The following AK8 variants were observed in gnomAD, a reference collection of about 807,000 sequenced individuals.
AK8 encodes adenylate kinase 8.
AK8 carries 44 observed loss-of-function variants against 54.6 expected under a neutral mutation model. The observed-to-expected ratio is 0.81, with a 90% CI of 0.63 to 1.04. AK8 has a LOEUF of 1.04. Among genes scored for constraint, AK8 ranks in the 50% least tolerant of loss-of-function variants. The pLI is 0.00. For synonymous variants in AK8, 239 were observed against 245.6 expected, an observed-to-expected ratio of 0.97 and a Z score of 0.25; for missense variants, 555 against 613.6, an observed-to-expected ratio of 0.90 and a Z score of 1.01.
At chr9:132,749,456 C>T (rs1002765837) in intron 11 of AK8, among the ~76,000 whole-genome samples, 3 of 151,926 alleles carry the variant, frequency 2.0e-5, no homozygotes, top group Non-Finnish European at 2.9e-5. Flanking sequence ...TCAGGTGCCC[C>T]GTGCCCGGCA....
chr9:132,839,446 G>A (rs1240160538), intron 5 of AK8, among the ~76,000 whole-genome samples: 5 of 152,206 alleles, frequency 3.3e-5, no homozygotes, highest in Admixed American at 3.3e-4. Flanking sequence ...GGGTCCTGGT[G>A]GACAGGCTCT....
chr9:132,845,268 T>C (rs1033095359), intron 5 of AK8, among the ~76,000 whole-genome samples: 4 of 152,250 alleles, frequency 2.6e-5, no homozygotes, highest in African/African-American at 9.6e-5. Flanking sequence ...ATATATTATT[T>C]ATAATACAAT....
chr9:132,854,955 G>A lies in AK8; in HGVS notation c.334-30C>T, dbSNP rs140815104. On this transcript the variant is annotated intron_variant, in intron 4 of 12. Transcript: ENST00000298545. ...AGGAAAAAGGACACACAGAATGATG[G>A]CCCAAACCTGCTTCCTGCAGCTCAG... The A allele has an allele frequency of 2.4e-5, 39 of 1,612,122 alleles. No individual in the cohort carries two copies. In the Middle Eastern group the frequency reaches 6.6e-4, roughly 27 times the overall value.
chr9:132,799,235 T>C lies in AK8; in HGVS notation c.980-6460A>G, dbSNP rs1253597192. Among the ~76,000 whole-genome samples, 3 of 152,102 alleles carry C rather than the reference T, an allele frequency of 2.0e-5. No individual in the cohort carries two copies. The highest frequency in any genetic ancestry group is 6.6e-5 in the Admixed American group (1 of 15,264). ...ACCTTGGCTTTCTGCCCATCAGTTA[T>C]TGTTGAGGGAGAAGATATGAGGGAC... On this transcript the variant is annotated intron_variant, in intron 10 of 12. Transcript: ENST00000298545. The surrounding 1 kb of genome is among the most constrained non-coding windows in gnomAD (Gnocchi z 5.0).
chr9:132,803,510 ACAAC>A lies in AK8; in HGVS notation c.980-10739_980-10736del, dbSNP rs1333548700. ...TAATCATGGTGAGTAATCAGTGATT[ACAAC>A]CAGTGACCATAGTAAGTAATTAGTG... On this transcript the variant is annotated intron_variant, in intron 10 of 12. Coordinates refer to ENST00000298545, the MANE Select transcript of AK8 (RefSeq NM_152572.3). The surrounding 1 kb of genome is among the most constrained non-coding windows in gnomAD (Gnocchi z 4.4). Among the ~76,000 whole-genome samples, 19 of 152,354 alleles carry A rather than the reference ACAAC, an allele frequency of 1.2e-4. No homozygotes were observed. The East Asian group carries it at 3.3e-3, about 26-fold the overall frequency.
intron 11 of AK8, among the ~76,000 whole-genome samples, chr9:132,778,796 A>T (rs2131118343): frequency 6.6e-6 from 1 of 152,288 alleles, no homozygotes; most frequent in South Asian, 2.1e-4. Flanking sequence ...TCAAAACCAC[A>T]TTTAGCAGAA....
At chr9:132,737,080 G>C (rs1486180681) in intron 11 of AK8, among the ~76,000 whole-genome samples, 1 of 151,816 alleles carries the variant, frequency 6.6e-6, no homozygotes, top group African/African-American at 2.4e-5. Flanking sequence ...ACAATGTGAA[G>C]GTACTTAATG....
chr9:132,877,863 C>G (rs777271400), intron 1 of AK8: 4 of 632,530 alleles, frequency 6.3e-6, no homozygotes, highest in Admixed American at 4.3e-5. Context: ...GTGGGGAAAC[C>G]GAGAAAAGGA....
intron 2 of AK8, among the ~76,000 whole-genome samples, chr9:132,872,102 A>T (rs1282343035): frequency 6.6e-6 from 1 of 152,174 alleles, no homozygotes; most frequent in Non-Finnish European, 1.5e-5. Flanking sequence ...TGGGAGGCCA[A>T]GGCAAGAGGA....
chr9:132,814,781 A>C, intron 9 of AK8, 54 bp from the exon 10 acceptor site: 1 of 1,533,700 alleles, frequency 6.5e-7, no homozygotes, highest in Non-Finnish European at 8.9e-7. Context: ...AGGAGGAAGG[A>C]TGAGAAAAAA....
At chr9:132,810,636 G>A (rs76716519) in intron 10 of AK8, among the ~76,000 whole-genome samples, 1,784 of 152,298 alleles carry the variant, frequency 0.012, 11 homozygotes, top group Non-Finnish European at 0.02. Context: ...CCTATAAGAC[G>A]AGGAAGATAA....
intron 11 of AK8, among the ~76,000 whole-genome samples, chr9:132,783,640 A>G (rs1248056298): frequency 6.6e-6 from 1 of 152,162 alleles, no homozygotes; most frequent in African/African-American, 2.4e-5. Context: ...TCCAGGAAAC[A>G]TAAGAACATT....
intron 10 of AK8, among the ~76,000 whole-genome samples, chr9:132,806,148 TAG>T (rs1840715594): frequency 6.6e-6 from 1 of 151,650 alleles, no homozygotes; most frequent in Non-Finnish European, 1.5e-5. Flanking sequence ...AAGAAAAATG[TAG>T]AGTTTTTTCA....
chr9:132,868,846 C>T (rs1843698722), intron 2 of AK8, among the ~76,000 whole-genome samples: 1 of 152,178 alleles, frequency 6.6e-6, no homozygotes, highest in Non-Finnish European at 1.5e-5. Context: ...CTCTGCCAGT[C>T]AGCATGTTTG....
intron 9 of AK8, among the ~76,000 whole-genome samples, chr9:132,819,322 A>G (rs992006465): frequency 3.3e-5 from 5 of 152,236 alleles, no homozygotes; most frequent in African/African-American, 1.2e-4. Flanking sequence ...AGGAGAATGT[A>G]TGTAGGTTAT....
At chr9:132,856,094 G>C (rs892547566) in intron 4 of AK8, among the ~76,000 whole-genome samples, 1 of 152,230 alleles carries the variant, frequency 6.6e-6, no homozygotes, top group African/African-American at 2.4e-5. Flanking sequence ...CTTCTCAGGG[G>C]AGTCGCTGAG....
chr9:132,815,082 G>A (rs935569752), intron 9 of AK8, among the ~76,000 whole-genome samples: 6 of 152,222 alleles, frequency 3.9e-5, no homozygotes, highest in South Asian at 4.1e-4. Flanking sequence ...AGGGTGCTGC[G>A]GAGGATCAGC....
chr9:132,840,972 A>T (rs761917746), intron 5 of AK8, among the ~76,000 whole-genome samples: 3 of 152,158 alleles, frequency 2.0e-5, no homozygotes, highest in Non-Finnish European at 4.4e-5. Flanking sequence ...CTCATAAGGG[A>T]TCCTCAAATG....
intron 11 of AK8, among the ~76,000 whole-genome samples, chr9:132,752,012 T>C (rs1837951218): frequency 1.3e-5 from 2 of 151,434 alleles, no homozygotes; most frequent in African/African-American, 2.4e-5. Flanking sequence ...CTAATTTTTT[T>C]TGTATTTTTA....
Sources: gnomAD v4.1 joint callset for allele counts (sites outside exome capture counted in the v4.1 genomes callset) on GRCh38, gnomAD v4.1.1 for gene constraint, Gnocchi (gnomAD v3.1) non-coding constraint, MANE v1.5 for transcripts, NCBI Gene and HGNC (gene_info 2026-07-23, HGNC 2026-07-21) for gene names.